CAMTA1: variants seen among roughly 807,000 people sequenced by gnomAD.
The protein encoded by CAMTA1 is calmodulin binding transcription activator 1, also known as calmodulin-binding transcription activator 1.
Under a neutral mutation model 170.9 loss-of-function variants are expected in CAMTA1, and 27 were observed. The ratio of observed to expected loss-of-function variants is 0.16; its 90% CI spans 0.12 to 0.22. CAMTA1 has a LOEUF of 0.22. Among genes scored for constraint, CAMTA1 ranks in the 10% least tolerant of loss-of-function variants. The pLI is 1.00. For synonymous variants in CAMTA1, 833 were observed against 891.5 expected, an observed-to-expected ratio of 0.93 and a Z score of 1.17; for missense variants, 1,619 against 2,217.2, an observed-to-expected ratio of 0.73 and a Z score of 5.42.
intron 5 of CAMTA1, among the ~76,000 whole-genome samples, chr1:7,391,717 T>C (rs2088741935): frequency 4.6e-5 from 7 of 152,222 alleles, no homozygotes; most frequent in Admixed American, 4.6e-4. Context: ...TCAGTCCCTA[T>C]AGCATTGCCT....
At chr1:7,745,820 T>A in intron 17 of CAMTA1, 25 bp from the exon 18 acceptor site, 2 of 1,613,218 alleles carry the variant, frequency 1.2e-6, no homozygotes, top group Non-Finnish European at 1.7e-6. Flanking sequence ...TTAATCTGTC[T>A]CTCCTTTTTC....
At chr1:7,475,119 T>C (rs2149586984) in intron 6 of CAMTA1, among the ~76,000 whole-genome samples, 1 of 152,380 alleles carries the variant, frequency 6.6e-6, no homozygotes, top group East Asian at 1.9e-4. Flanking sequence ...TTTCTTTCTT[T>C]TTCTTTCTTC....
Position 7,642,594 on chromosome 1 carries a change from T to C in CAMTA1, c.664+2041T>C, listed in dbSNP as rs2095772515. On this transcript the variant is annotated intron_variant, in intron 7 of 22. Transcript: ENST00000303635. The surrounding 1 kb of genome is among the most constrained non-coding windows in gnomAD (Gnocchi z 6.3). ...CGCCCCAGGGGGCCTACTGATACTT[T>C]CTCTGCCGCAGAGCCTCAGCTGGGC... Among the ~76,000 whole-genome samples, 5 of 152,236 alleles carry C rather than the reference T, an allele frequency of 3.3e-5. No individual in the cohort carries two copies. The South Asian group carries it at 1.0e-3, about 32-fold the overall frequency.
rs775608021 is a variant in CAMTA1, at chr1:7,588,670, C to T, written c.511-51730C>T. Among the ~76,000 whole-genome samples the T allele has an allele frequency of 6.6e-6, 1 of 152,218 alleles. No homozygotes were observed. The highest frequency in any genetic ancestry group is 1.5e-5 in the Non-Finnish European group (1 of 68,034). ...CCCTTGCAGGGCAACCCCAGGGCCA[C>T]GACTGGGCTCCTGGCAGCACGGCCA... On this transcript the variant is annotated intron_variant, in intron 6 of 22. Coordinates refer to ENST00000303635, the MANE Select transcript of CAMTA1 (RefSeq NM_015215.4). The surrounding 1 kb of genome is among the most constrained non-coding windows in gnomAD (Gnocchi z 5.8).
At chr1:7,272,692 CAAAAAA>C (rs371588178) in intron 5 of CAMTA1, among the ~76,000 whole-genome samples, 400 of 38,824 alleles carry the variant, frequency 0.01, 4 homozygotes, top group Middle Eastern at 0.038. Context: ...TAAACACATG[CAAAAAA>C]AAAAAAAAAA....
At chr1:7,615,215 G>A (rs560527084) in intron 6 of CAMTA1, among the ~76,000 whole-genome samples, 71 of 152,330 alleles carry the variant, frequency 4.7e-4, no homozygotes, top group Non-Finnish European at 9.1e-4. Flanking sequence ...TGCGATGTCA[G>A]AACCCACAGT....
At chr1:7,136,505 A>G (rs1383593334) in intron 4 of CAMTA1, among the ~76,000 whole-genome samples, 1 of 150,686 alleles carries the variant, frequency 6.6e-6, no homozygotes, top group Non-Finnish European at 1.5e-5. Flanking sequence ...TACCCTATCT[A>G]TCTGTAGTAT....
At chr1:7,406,613 C>A (rs975954262) in intron 5 of CAMTA1, among the ~76,000 whole-genome samples, 1 of 152,064 alleles carries the variant, frequency 6.6e-6, no homozygotes, top group Non-Finnish European at 1.5e-5. Context: ...GATGTACACA[C>A]ACACACATGC....
At chr1:6,979,782 C>A (rs1205958103) in intron 3 of CAMTA1, among the ~76,000 whole-genome samples, 1 of 152,092 alleles carries the variant, frequency 6.6e-6, no homozygotes, top group Non-Finnish European at 1.5e-5. Flanking sequence ...ACACTGTCGC[C>A]TCATGGTGGC....
At chr1:6,986,381 A>G (rs963283649) in intron 3 of CAMTA1, among the ~76,000 whole-genome samples, 1 of 151,974 alleles carries the variant, frequency 6.6e-6, no homozygotes, top group African/African-American at 2.4e-5. Context: ...TGACAGAGGG[A>G]GTTTTGGGGA....
At chr1:7,478,942 A>C (rs568829957) in intron 6 of CAMTA1, among the ~76,000 whole-genome samples, 11 of 152,244 alleles carry the variant, frequency 7.2e-5, no homozygotes, top group Non-Finnish European at 1.3e-4. Flanking sequence ...GCCTCAAGGA[A>C]ACACTTTCTC....
chr1:7,500,965 C>A (rs921546136), intron 6 of CAMTA1, among the ~76,000 whole-genome samples: 1 of 152,110 alleles, frequency 6.6e-6, no homozygotes, highest in African/African-American at 2.4e-5. Flanking sequence ...TAGCCCAGGC[C>A]GAGAGCCATC....
chr1:7,088,193 G>A (rs767661485), intron 3 of CAMTA1, among the ~76,000 whole-genome samples: 10 of 152,188 alleles, frequency 6.6e-5, no homozygotes, highest in African/African-American at 2.2e-4. Flanking sequence ...CAGCTTCCTC[G>A]GAAAGGCTTC....
In CAMTA1 at chr1:6,934,533, A is replaced by T. The variant is rs1466223082; in HGVS notation, c.234+109323A>T. Among the ~76,000 whole-genome samples, 1 of 152,038 alleles carries T rather than the reference A, an allele frequency of 6.6e-6. No individual in the cohort carries two copies. Among genetic ancestry groups the T allele is most frequent in the Admixed American group, 6.5e-5 (1 of 15,280 alleles). On this transcript the variant is annotated intron_variant, in intron 3 of 22. Transcript: ENST00000303635. The surrounding 1 kb of genome is among the most constrained non-coding windows in gnomAD (Gnocchi z 4.5). The stretch of plus-strand genomic sequence containing the variant: ...AGGAGGAGAGAAAAGGAACTTGGCC[A>T]CTGTGGACCCGCTTGGGCTAGCTGC...
chr1:7,076,590 A>G (rs1289308646), intron 3 of CAMTA1, among the ~76,000 whole-genome samples: 1 of 152,212 alleles, frequency 6.6e-6, no homozygotes, highest in Non-Finnish European at 1.5e-5. Context: ...ATCAGTGGTC[A>G]GTTTTTTTGA....
chr1:7,166,957 C>T (rs570125713), intron 4 of CAMTA1, among the ~76,000 whole-genome samples: 49 of 151,704 alleles, frequency 3.2e-4, no homozygotes, highest in African/African-American at 1.1e-3. Flanking sequence ...ATTACAGGTA[C>T]CCGCCACCCC....
chr1:7,751,203 C>A lies in CAMTA1; in HGVS notation c.4694C>A (p.Ala1565Glu). The change falls in exon 20 of 23, where the codon GCA becomes GAA. Residue 1565 changes from alanine to glutamate, a missense_variant. Around this residue, in one of 8 missense-constraint regions of CAMTA1, gnomAD observed 128 missense variants for 213.5 expected, o/e 0.60. Transcript: ENST00000303635. ...TTGTTCTTGTTTCCCCTGCAGTACG[C>A]ACTTTATAAAAAGATGACACAGGCT... ...QRCYRKYKQYALYKKMTQAAI... is the reference protein window; with the variant it reads ...QRCYRKYKQYELYKKMTQAAI... 6.3e-7 allele frequency: 1 copy of A among 1,586,766 alleles called. No individual in the cohort carries two copies. Among genetic ancestry groups the A allele is most frequent in the Non-Finnish European group, 8.6e-7 (1 of 1,168,996 alleles).
intron 18 of CAMTA1, 21 bp downstream of exon 18, chr1:7,746,112 C>T (rs779713513): frequency 2.5e-6 from 4 of 1,606,376 alleles, no homozygotes; most frequent in African/African-American, 2.7e-5. Flanking sequence ...ACAGAACCTT[C>T]GTTTTGTGAC....
At chr1:7,495,900 G>A (rs936300247) in intron 6 of CAMTA1, among the ~76,000 whole-genome samples, 2 of 152,326 alleles carry the variant, frequency 1.3e-5, no homozygotes, top group East Asian at 3.9e-4. Context: ...GGGAGGTGAC[G>A]GGCACTGCCT....
Sources: allele counts gnomAD v4.1 joint callset (sites outside exome capture counted in the v4.1 genomes callset), GRCh38; gene constraint gnomAD v4.1.1; regional missense constraint gnomAD v4.1.1; non-coding constraint Gnocchi (gnomAD v3.1); transcripts MANE v1.5; gene names NCBI Gene and HGNC (gene_info 2026-07-23, HGNC 2026-07-21).